Variants in SCN11A observed in about 807,000 individuals in gnomAD.
The protein encoded by SCN11A is sodium voltage-gated channel alpha subunit 11.
Under a neutral mutation model 162.2 loss-of-function variants are expected in SCN11A, and 122 were observed. The observed-to-expected ratio is 0.75, with a 90% CI of 0.65 to 0.87. SCN11A has a LOEUF of 0.87. Among genes scored for constraint, SCN11A ranks in the 40% least tolerant of loss-of-function variants. The probability of loss-of-function intolerance (pLI) is 0.00; values close to 1 mark genes in which losing one functional copy is unlikely to be tolerated. For missense variants in SCN11A, 2,015 were observed against 2,181.6 expected, an observed-to-expected ratio of 0.92 and a Z score of 1.52; for synonymous variants, 758 against 751.5, an observed-to-expected ratio of 1.01 and a Z score of -0.14.
At chr3:38,898,936 G>C (rs1160588683) in intron 17 of SCN11A, among the ~76,000 whole-genome samples, 1 of 152,026 alleles carries the variant, frequency 6.6e-6, no homozygotes, top group East Asian at 1.9e-4. Flanking sequence ...CAATGATAAA[G>C]CAAATGCAAT....
In SCN11A at chr3:38,950,323, G is replaced by A. The variant is rs774609057; in HGVS notation, c.40C>T (p.Arg14Trp). Residue 14 changes from arginine (R) to tryptophan (W), a missense_variant, in exon 5 of 30, where the codon CGG becomes TGG. Arg to Trp is a moderately radical substitution (Grantham distance 101, BLOSUM62 -3). Transcript: ENST00000302328. ...RCYPVIFPDE[R>W]NFRPFTSDSL... ...TCGGAAGTGAAGGGGCGGAAATTCCGCTCATCTGGAAAGATTACTGGGTAG... is the reference window on the plus strand; with the variant it reads ...TCGGAAGTGAAGGGGCGGAAATTCCACTCATCTGGAAAGATTACTGGGTAG... 3.1e-6 allele frequency: 5 copies of A among 1,613,748 alleles called. No individual in the cohort carries two copies. The highest frequency in any genetic ancestry group is 1.7e-5 in the Admixed American group (1 of 60,000).
intron 1 of SCN11A, among the ~76,000 whole-genome samples, chr3:39,047,094 TG>T (rs1417730640): frequency 7.5e-6 from 1 of 132,804 alleles, no homozygotes; most frequent in Non-Finnish European, 1.6e-5. Context: ...GACTGGGTCT[TG>T]CTATGTTTCC....
At chr3:38,848,264 C>A (rs1213758560) in intron 29 of SCN11A, among the ~76,000 whole-genome samples, 1 of 152,244 alleles carries the variant, frequency 6.6e-6, no homozygotes. Flanking sequence ...GCCCTGCCTG[C>A]TCTGCAGGCA....
rs2125589262 is a variant in SCN11A, at chr3:38,977,819, C to CCTCCTCAAGT, written c.-279-17397_-279-17396insACTTGAGGAG. On this transcript the variant is annotated intron_variant, in intron 2 of 29. Transcript: ENST00000302328. ...TTAATCAGCAGATAAGCCATTCTTT[C>CCTCCTCAAGT]AAAGGCATAGCTCAAGTTTACCTCC... 1.3e-5 allele frequency among the ~76,000 whole-genome samples: 2 copies of CCTCCTCAAGT among 152,258 alleles called. 1 individual carries two copies. The highest frequency in any genetic ancestry group is 4.2e-4 in the South Asian group (2 of 4,816).
intron 19 of SCN11A, among the ~76,000 whole-genome samples, chr3:38,890,578 T>C (rs930377270): frequency 6.6e-6 from 1 of 152,252 alleles, no homozygotes; most frequent in African/African-American, 2.4e-5. Flanking sequence ...TTAAAAGCTA[T>C]CACTTCCTGA....
At chr3:38,979,556 A>G (rs1433026066) in intron 2 of SCN11A, among the ~76,000 whole-genome samples, 1 of 152,214 alleles carries the variant, frequency 6.6e-6, no homozygotes, top group African/African-American at 2.4e-5. Flanking sequence ...GGGCTTCCAT[A>G]TGGAAAAATA....
At chr3:39,041,993 G>C (rs1297184116) in intron 1 of SCN11A, among the ~76,000 whole-genome samples, 2 of 152,142 alleles carry the variant, frequency 1.3e-5, no homozygotes, top group Admixed American at 1.3e-4. Context: ...ACCCAGGCCG[G>C]CACAGTGGCT....
At position 38,948,776 on chromosome 3, in the gene SCN11A, CT is replaced by C. The variant is rs1221434300; in HGVS notation, c.267+1319del. ...CCACCCAGGCTGGAATAGTCCTGTT[CT>C]CCCGGACTGTCAGCTGCACACCAAA... On this transcript the variant is annotated intron_variant, in intron 5 of 29. Transcript: ENST00000302328. Among the ~76,000 whole-genome samples, 8 of 151,932 alleles carry C rather than the reference CT, an allele frequency of 5.3e-5. No homozygotes were observed. In the South Asian group the frequency reaches 8.3e-4, roughly 16 times the overall value.
chr3:39,006,156 T>G (rs1027701501), intron 2 of SCN11A, among the ~76,000 whole-genome samples: 2 of 152,370 alleles, frequency 1.3e-5, no homozygotes, highest in African/African-American at 4.8e-5. Flanking sequence ...ATGTTTTGTC[T>G]CTAAAAGATT....
At chr3:39,014,545 C>G (rs4676664) in intron 2 of SCN11A, among the ~76,000 whole-genome samples, 5,315 of 152,250 alleles carry the variant, frequency 0.035, 192 homozygotes, top group East Asian at 0.16. Flanking sequence ...TCAATTATGT[C>G]TGCCATAATT....
chr3:38,861,122 G>T (rs1235829702), intron 28 of SCN11A, among the ~76,000 whole-genome samples: 1 of 151,806 alleles, frequency 6.6e-6, no homozygotes, highest in East Asian at 1.9e-4. Context: ...AACAAATCAA[G>T]AATTCAATTT....
chr3:38,874,858 T>C (rs2065183948), intron 23 of SCN11A, among the ~76,000 whole-genome samples: 1 of 152,184 alleles, frequency 6.6e-6, no homozygotes, highest in South Asian at 2.1e-4. Context: ...TAGAGTATTG[T>C]TGAATACAAA....
In SCN11A at chr3:39,051,601, TA is replaced by T. The variant is rs530093469; in HGVS notation, c.-404+259del. 2.4e-4 allele frequency among the ~76,000 whole-genome samples: 37 copies of T among 152,306 alleles called. No homozygotes were observed. The East Asian group carries it at 6.8e-3, about 28-fold the overall frequency. On this transcript the variant is annotated intron_variant, in intron 1 of 29. Transcript: ENST00000302328. ...ATAATTCTCCGCATTTTTAGGTACT[TA>T]ACAGTAAATCACTTGGTTCACTTGG...
rs2065843415 is a variant in SCN11A, at chr3:38,908,893, G to T, written c.1299+104C>A. 1.3e-5 allele frequency: 12 copies of T among 923,082 alleles called. No individual in the cohort carries two copies. In the South Asian group the frequency reaches 1.8e-4, roughly 14 times the overall value. 57.2% of individuals were successfully genotyped at this position (923,082 alleles called of 1,614,324 possible). A position where few individuals can be genotyped will look rare whatever the true frequency, so the allele number is the denominator to read the frequency against. ...GAAAAGCACCAGTAGAGAAAGCACTGAGACCAGGCCAAGGGTGGCAGCCTT... is the reference window on the plus strand; with the variant it reads ...GAAAAGCACCAGTAGAGAAAGCACTTAGACCAGGCCAAGGGTGGCAGCCTT... On this transcript the variant is annotated intron_variant, in intron 13 of 29. Coordinates refer to ENST00000302328, the MANE Select transcript of SCN11A (RefSeq NM_001349253.2).
At chr3:38,873,576 G>C (rs1270087892) in intron 23 of SCN11A, among the ~76,000 whole-genome samples, 2 of 152,158 alleles carry the variant, frequency 1.3e-5, no homozygotes, top group Non-Finnish European at 2.9e-5. Flanking sequence ...TTCCTAGCCA[G>C]ATGAAAACAG....
In SCN11A at chr3:38,950,078, C is replaced by CCCCCCCCCCCCCCCCCCACCCCCCG. The variant is rs1553644472; in HGVS notation, c.267+17_267+18insCGGGGGGTGGGGGGGGGGGGGGGGG. 7.1e-6 allele frequency: 1 copy of CCCCCCCCCCCCCCCCCCACCCCCCG among 139,974 alleles called. No individual in the cohort carries two copies. The highest frequency in any genetic ancestry group is 3.6e-5 in the African/African-American group (1 of 27,720). The allele number at this position is 139,974 out of a possible 1,614,324, so 8.7% of individuals were successfully genotyped here. On this transcript the variant is annotated intron_variant, in intron 5 of 29. Coordinates refer to ENST00000302328, the MANE Select transcript of SCN11A (RefSeq NM_001349253.2). ...GAACACCCCCACCCCCACCCCCCCCCCCCGCCCAATGAAGTACCTTATGAT... is the reference window on the plus strand; with the variant it reads ...GAACACCCCCACCCCCACCCCCCCCCCCCCCCCCCCCCCCCCCACCCCCCGCCCGCCCAATGAAGTACCTTATGAT...
At chr3:39,015,116 A>T (rs1302093832) in intron 2 of SCN11A, among the ~76,000 whole-genome samples, 15 of 142,078 alleles carry the variant, frequency 1.1e-4, no homozygotes, top group Admixed American at 1.0e-3. Context: ...GGAGCCTTTA[A>T]GAAGAGAGAG....
At chr3:38,897,612 A>C (rs1315257032) in intron 17 of SCN11A, among the ~76,000 whole-genome samples, 3 of 151,528 alleles carry the variant, frequency 2.0e-5, no homozygotes, top group African/African-American at 7.3e-5. Context: ...GCTACTCGGG[A>C]GGCTGAGGCA....
intron 1 of SCN11A, among the ~76,000 whole-genome samples, chr3:39,045,281 A>G (rs1028410550): frequency 1.3e-5 from 2 of 152,190 alleles, no homozygotes; most frequent in Non-Finnish European, 2.9e-5. Context: ...AATTCTTCCA[A>G]ACTCATTCTA....
Sources: allele counts gnomAD v4.1 joint callset (sites outside exome capture counted in the v4.1 genomes callset), GRCh38; gene constraint gnomAD v4.1.1; transcripts MANE v1.5; gene names NCBI Gene and HGNC (gene_info 2026-07-23, HGNC 2026-07-21).